CNOT4: variants seen among roughly 807,000 people sequenced by gnomAD.
CNOT4 encodes the protein CCR4-associated factor 4.
Under a neutral mutation model 73.8 loss-of-function variants are expected in CNOT4, and 8 were observed. That is an observed-to-expected ratio of 0.11 (90% CI 0.06 to 0.20). The LOEUF is 0.20. Among genes scored for constraint, CNOT4 ranks in the 10% least tolerant of loss-of-function variants. The probability of loss-of-function intolerance (pLI) is 1.00; values close to 1 mark genes in which losing one functional copy is unlikely to be tolerated. For missense variants in CNOT4, 564 were observed against 883.4 expected, an observed-to-expected ratio of 0.64 and a Z score of 4.58; for synonymous variants, 293 against 321.1, an observed-to-expected ratio of 0.91 and a Z score of 0.94.
At chr7:135,474,276 AT>A (rs869203152) in intron 1 of CNOT4, among the ~76,000 whole-genome samples, 8,317 of 87,768 alleles carry the variant, frequency 0.095, 153 homozygotes, top group African/African-American at 0.15. Flanking sequence ...CTGTGCCCAA[AT>A]TTTTTTTTTT....
At chr7:135,402,037 C>A (rs755615099) in intron 7 of CNOT4, among the ~76,000 whole-genome samples, 2 of 150,710 alleles carry the variant, frequency 1.3e-5, no homozygotes, top group African/African-American at 4.9e-5. Context: ...TATTTTCATA[C>A]AAACGATCTA....
chr7:135,423,760 A>G (rs1208847319), intron 2 of CNOT4, among the ~76,000 whole-genome samples: 2 of 152,054 alleles, frequency 1.3e-5, no homozygotes, highest in Non-Finnish European at 2.9e-5. Flanking sequence ...AAACACCCAT[A>G]CCACTTGATT....
At chr7:135,472,829 C>G (rs1364713488) in intron 1 of CNOT4, among the ~76,000 whole-genome samples, 1 of 151,832 alleles carries the variant, frequency 6.6e-6, no homozygotes, top group Non-Finnish European at 1.5e-5. Flanking sequence ...CACTTGAGCC[C>G]TGTAGTTAAA....
intron 8 of CNOT4, 32 bp from the exon 9 acceptor site, chr7:135,395,915 CAT>C (rs773187583): frequency 1.4e-6 from 2 of 1,456,704 alleles, no homozygotes; most frequent in African/African-American, 2.8e-5. Flanking sequence ...ATAATAACTA[CAT>C]GTTTATACAT....
chr7:135,393,105 A>G (rs939916531), intron 10 of CNOT4, among the ~76,000 whole-genome samples: 1 of 152,156 alleles, frequency 6.6e-6, no homozygotes, highest in Non-Finnish European at 1.5e-5. Context: ...TCATCTCTAA[A>G]GCCAAAGTTA....
chr7:135,504,581 G>A (rs1804233115), intron 1 of CNOT4, among the ~76,000 whole-genome samples: 1 of 108,782 alleles, frequency 9.2e-6, no homozygotes, highest in Non-Finnish European at 1.9e-5. Context: ...CCGCCTCCCG[G>A]GTTCACGCCA....
In CNOT4 at chr7:135,414,438, G is replaced by A. The variant is rs1410976244; in HGVS notation, c.460-6C>T. Reference sequence around the variant, plus strand: ...TAAGCACTGGCACTTGGACCCTAAAGTGAAAACATCCCATTCCACTGTTAT... The same window carrying A: ...TAAGCACTGGCACTTGGACCCTAAAATGAAAACATCCCATTCCACTGTTAT... On this transcript the variant is annotated splice_polypyrimidine_tract_variant and splice_region_variant and intron_variant, in intron 4 of 11. Coordinates refer to ENST00000541284, the MANE Select transcript of CNOT4 (RefSeq NM_001190850.2). The A allele has an allele frequency of 1.1e-5, 14 of 1,262,296 alleles. 1 individual carries two copies. Among genetic ancestry groups the A allele is most frequent in the Non-Finnish European group, 1.6e-5 (14 of 867,664 alleles). The allele number at this position is 1,262,296 out of a possible 1,614,324, so 78.2% of individuals were successfully genotyped here.
chr7:135,424,092 T>C (rs1331796777), intron 2 of CNOT4, among the ~76,000 whole-genome samples: 7 of 136,584 alleles, frequency 5.1e-5, no homozygotes, highest in Non-Finnish European at 1.1e-4. Flanking sequence ...CACACACACA[T>C]TTTTTATTAA....
intron 10 of CNOT4, among the ~76,000 whole-genome samples, chr7:135,368,744 T>C (rs1247160066): frequency 6.6e-6 from 1 of 152,312 alleles, no homozygotes; most frequent in East Asian, 1.9e-4. Flanking sequence ...AACACTGTAC[T>C]AGTCCAACTG....
At chr7:135,495,688 AAAAAAGAAAGAAAGAAAGAAAGAAAG>A (rs1563083468) in intron 1 of CNOT4, among the ~76,000 whole-genome samples, 828 of 53,254 alleles carry the variant, frequency 0.016, 105 homozygotes, top group Non-Finnish European at 0.023. Flanking sequence ...AAAAAAAAAA[AAAAAAGAAAGAAAGAAAGAAAGAAAG>A]AAAGAAAGAA....
chr7:135,362,600 T>G lies in CNOT4; in HGVS notation c.*285A>C. On this transcript the variant is annotated 3_prime_UTR_variant, in exon 12 of 12. Transcript: ENST00000541284. ...AACAGACAAACAATAATTTTCTAAGTATTGAGACTGCCCTTTGATTTTTTT... is the reference window on the plus strand; with the variant it reads ...AACAGACAAACAATAATTTTCTAAGGATTGAGACTGCCCTTTGATTTTTTT... The G allele has an allele frequency of 3.7e-6, 2 of 542,024 alleles. No individual in the cohort carries two copies. Among genetic ancestry groups the G allele is most frequent in the Non-Finnish European group, 6.6e-6 (2 of 301,280 alleles). 33.6% of individuals were successfully genotyped at this position (542,024 alleles called of 1,614,324 possible).
chr7:135,401,213 A>G (rs1016976806), intron 7 of CNOT4, among the ~76,000 whole-genome samples: 1 of 152,236 alleles, frequency 6.6e-6, no homozygotes, highest in Non-Finnish European at 1.5e-5. Flanking sequence ...ATGAAGGATA[A>G]GCACTGAGTC....
intron 10 of CNOT4, among the ~76,000 whole-genome samples, chr7:135,367,246 C>T (rs1023538522): frequency 3.9e-5 from 6 of 152,140 alleles, no homozygotes; most frequent in African/African-American, 1.4e-4. Context: ...TATATGATCT[C>T]GCTTGAATGC....
Position 135,382,072 on chromosome 7 carries a change from A to G in CNOT4, c.1627+11846T>C, listed in dbSNP as rs115953170. ...ACCTGGAGAAAAGGAAATGGTTCTC[A>G]AGGTCAACAACTTCAAGCTGTTTTA... On this transcript the variant is annotated intron_variant, in intron 10 of 11. Coordinates refer to ENST00000541284, the MANE Select transcript of CNOT4 (RefSeq NM_001190850.2). 7.7e-3 allele frequency among the ~76,000 whole-genome samples: 1,176 copies of G among 152,288 alleles called. 18 individuals carry two copies. Among genetic ancestry groups the G allele is most frequent in the African/African-American group, 0.027 (1,121 of 41,558 alleles).
chr7:135,505,995 C>T (rs976692817), intron 1 of CNOT4, among the ~76,000 whole-genome samples: 2 of 152,138 alleles, frequency 1.3e-5, no homozygotes, highest in African/African-American at 2.4e-5. Flanking sequence ...ATCTTCTTTC[C>T]TTGCATCACA....
intron 10 of CNOT4, among the ~76,000 whole-genome samples, chr7:135,383,142 T>C (rs942430580): frequency 6.6e-6 from 1 of 152,190 alleles, no homozygotes; most frequent in Non-Finnish European, 1.5e-5. Flanking sequence ...TAATTCTTAT[T>C]TGATATATAA....
intron 1 of CNOT4, among the ~76,000 whole-genome samples, chr7:135,488,222 C>T (rs1053608954): frequency 6.6e-6 from 1 of 151,980 alleles, no homozygotes; most frequent in Non-Finnish European, 1.5e-5. Context: ...CAGTGAGTGG[C>T]ATGATGTCAA....
chr7:135,388,870 G>A (rs1458292602), intron 10 of CNOT4: 1 of 1,612,874 alleles, frequency 6.2e-7, no homozygotes, highest in Non-Finnish European at 8.5e-7. Context: ...CAGTGGCATG[G>A]TCGAAACCTT....
At chr7:135,498,029 C>T (rs1197077640) in intron 1 of CNOT4, among the ~76,000 whole-genome samples, 1 of 152,118 alleles carries the variant, frequency 6.6e-6, no homozygotes, top group South Asian at 2.1e-4. Flanking sequence ...CCATTTATTC[C>T]ACACAACAAT....
Sources: allele counts gnomAD v4.1 joint callset (sites outside exome capture counted in the v4.1 genomes callset), GRCh38; gene constraint gnomAD v4.1.1; transcripts MANE v1.5; gene names NCBI Gene and HGNC (gene_info 2026-07-23, HGNC 2026-07-21).